Variants in CSMD1 observed in about 807,000 individuals in gnomAD.
CSMD1 encodes the protein CUB and Sushi multiple domains 1, also known as CUB and sushi domain-containing protein 1.
CSMD1 carries 213 observed loss-of-function variants against 417.5 expected under a neutral mutation model. The ratio of observed to expected loss-of-function variants is 0.51; its 90% CI spans 0.46 to 0.57. The LOEUF (loss-of-function observed/expected upper bound fraction) is 0.57, where lower values mean the gene tolerates loss of function less well. Among genes scored for constraint, CSMD1 ranks in the 20% least tolerant of loss-of-function variants. CSMD1 has a pLI of 0.00. For synonymous variants in CSMD1, 2,862 were observed against 1,736.8 expected (o/e 1.65, Z -16.11); for missense variants, 6,923 against 4,529.7 (o/e 1.53, Z -15.17).
chr8:3,036,633 T>A (rs1035184348), intron 50 of CSMD1, among the ~76,000 whole-genome samples: 1 of 152,182 alleles, frequency 6.6e-6, no homozygotes, highest in African/African-American at 2.4e-5. Context: ...TTAGTTCTAG[T>A]ACCTTAGAAG....
chr8:3,166,955 T>A (rs1023078807), intron 37 of CSMD1, among the ~76,000 whole-genome samples: 3 of 152,202 alleles, frequency 2.0e-5, no homozygotes, highest in African/African-American at 7.2e-5. Flanking sequence ...CCATAAATGA[T>A]AATATATCAT....
chr8:3,218,964 T>A (rs1212269674), intron 29 of CSMD1, among the ~76,000 whole-genome samples: 1 of 152,196 alleles, frequency 6.6e-6, no homozygotes, highest in Non-Finnish European at 1.5e-5. Flanking sequence ...CGTCTTAAAA[T>A]AATTATTAAA....
At chr8:4,107,915 C>G (rs954903258) in intron 3 of CSMD1, among the ~76,000 whole-genome samples, 2 of 152,096 alleles carry the variant, frequency 1.3e-5, no homozygotes, top group Non-Finnish European at 2.9e-5. Context: ...AAACAAATAA[C>G]ATTTTCGTCA....
At chr8:4,470,117 G>C (rs953098156) in intron 2 of CSMD1, among the ~76,000 whole-genome samples, 5 of 151,930 alleles carry the variant, frequency 3.3e-5, no homozygotes, top group Non-Finnish European at 7.4e-5. Context: ...TGATCCGCCC[G>C]CCTCGGCCTC....
In CSMD1 at chr8:3,601,024, G is replaced by T. The variant is rs370554107; in HGVS notation, c.1098-14764C>A. Among the ~76,000 whole-genome samples the T allele has an allele frequency of 1.5e-3, 222 of 152,268 alleles. 1 individual carries two copies. The highest frequency in any genetic ancestry group is 5.0e-3 in the African/African-American group (207 of 41,562). ...ATCTCTATGTGCAAGAATCAGCTAT[G>T]ATTGGACATTTTTCATTCATCCCGC... On this transcript the variant is annotated intron_variant, in intron 8 of 69. Coordinates refer to ENST00000635120, the MANE Select transcript of CSMD1 (RefSeq NM_033225.6).
chr8:3,108,830 T>G (rs1349287378), intron 43 of CSMD1, 82 bp from the exon 44 acceptor site: 3 of 1,365,852 alleles, frequency 2.2e-6, no homozygotes, highest in African/African-American at 1.5e-5. Flanking sequence ...AATGAATTAA[T>G]TTTTTTAATA....
intron 7 of CSMD1, among the ~76,000 whole-genome samples, chr8:3,652,273 C>T (rs572827254): frequency 1.5e-4 from 23 of 152,070 alleles, no homozygotes; most frequent in African/African-American, 5.5e-4. Flanking sequence ...CATCAGTGCG[C>T]TTACCACCAT....
chr8:3,729,919 A>T (rs1411608027), intron 6 of CSMD1, among the ~76,000 whole-genome samples: 1 of 108,128 alleles, frequency 9.2e-6, no homozygotes, highest in East Asian at 2.8e-4. Flanking sequence ...TGCCAATTCA[A>T]AGTAAAAAAA....
chr8:4,686,646 T>C (rs1330323303), intron 1 of CSMD1, among the ~76,000 whole-genome samples: 1 of 152,240 alleles, frequency 6.6e-6, no homozygotes, highest in Non-Finnish European at 1.5e-5. Flanking sequence ...AAGTGAAATA[T>C]ACAAGTTGAC....
At chr8:4,948,655 T>C in intron 1 of CSMD1, among the ~76,000 whole-genome samples, 1 of 152,098 alleles carries the variant, frequency 6.6e-6, no homozygotes, top group Admixed American at 6.6e-5. Flanking sequence ...ATAAATATGT[T>C]GCTAGGTTGC....
At chr8:3,618,429 T>C (rs10097210) in intron 7 of CSMD1, among the ~76,000 whole-genome samples, 14,317 of 152,182 alleles carry the variant, frequency 0.094, 715 homozygotes, top group South Asian at 0.12. Flanking sequence ...TCCAAACGGG[T>C]TAAGATATTT....
chr8:4,122,656 G>A (rs368862246), intron 3 of CSMD1, among the ~76,000 whole-genome samples: 4 of 152,138 alleles, frequency 2.6e-5, no homozygotes, highest in African/African-American at 9.7e-5. Context: ...ACCATGTGAG[G>A]CCAGGAAGGG....
At chr8:4,382,093 T>C (rs1008996027) in intron 3 of CSMD1, among the ~76,000 whole-genome samples, 3 of 152,166 alleles carry the variant, frequency 2.0e-5, no homozygotes, top group Non-Finnish European at 4.4e-5. Context: ...TCTTGACACA[T>C]AGCACTGTAA....
chr8:4,907,057 G>C (rs370774072), intron 1 of CSMD1, among the ~76,000 whole-genome samples: 2 of 152,174 alleles, frequency 1.3e-5, no homozygotes, highest in South Asian at 2.1e-4. Flanking sequence ...ATAACAGTGA[G>C]AGAATGTTCT....
At chr8:4,646,823 G>C (rs1238715716) in intron 1 of CSMD1, among the ~76,000 whole-genome samples, 1 of 152,180 alleles carries the variant, frequency 6.6e-6, no homozygotes, top group African/African-American at 2.4e-5. Context: ...AGACAGTAAA[G>C]AAGAATATAA....
chr8:3,773,053 G>T (rs1255287625), intron 5 of CSMD1, among the ~76,000 whole-genome samples: 1 of 152,112 alleles, frequency 6.6e-6, no homozygotes. Context: ...AGGGAAGAAG[G>T]GAGCTCTCTG....
chr8:3,703,259 G>C (rs1034224684), intron 7 of CSMD1, among the ~76,000 whole-genome samples: 1 of 152,130 alleles, frequency 6.6e-6, no homozygotes, highest in African/African-American at 2.4e-5. Flanking sequence ...ATGTGGTTAG[G>C]TTTTGTGCAT....
chr8:4,929,735 G>A (rs1218372589), intron 1 of CSMD1, among the ~76,000 whole-genome samples: 1 of 152,136 alleles, frequency 6.6e-6, no homozygotes. Context: ...CAAATGGGGT[G>A]ACATTCACCC....
intron 69 of CSMD1, among the ~76,000 whole-genome samples, chr8:2,941,566 T>C (rs1363886394): frequency 1.3e-5 from 2 of 152,218 alleles, no homozygotes; most frequent in African/African-American, 2.4e-5. Context: ...AAGGAGTTTA[T>C]AGTTCCTCCA....
Sources: allele counts gnomAD v4.1 joint callset (sites outside exome capture counted in the v4.1 genomes callset), GRCh38; gene constraint gnomAD v4.1.1; transcripts MANE v1.5; gene names NCBI Gene and HGNC (gene_info 2026-07-23, HGNC 2026-07-21).